The following SDK2 variants were observed in gnomAD, a reference collection of about 807,000 sequenced individuals.
SDK2 encodes sidekick cell adhesion molecule 2.
SDK2 carries 105 observed loss-of-function variants against 253.9 expected under a neutral mutation model. That is an observed-to-expected ratio of 0.41 (90% CI 0.35 to 0.49). The LOEUF is 0.49. SDK2 is among the 20% of genes least tolerant of loss of function. The probability of loss-of-function intolerance (pLI) is 0.06; values close to 1 mark genes in which losing one functional copy is unlikely to be tolerated. For synonymous variants in SDK2, 1,249 were observed against 1,234.9 expected, an observed-to-expected ratio of 1.01 and a Z score of -0.24; for missense variants, 2,608 against 3,003.0, an observed-to-expected ratio of 0.87 and a Z score of 3.07.
Position 73,616,809 on chromosome 17 carries a change from T to C in SDK2, c.64+27216A>G, listed in dbSNP as rs1271502553. 1.3e-5 allele frequency among the ~76,000 whole-genome samples: 2 copies of C among 152,020 alleles called. No individual in the cohort carries two copies. The highest frequency in any genetic ancestry group is 2.9e-5 in the Non-Finnish European group (2 of 67,992). On this transcript the variant is annotated intron_variant, in intron 1 of 44. Coordinates refer to ENST00000392650, the MANE Select transcript of SDK2 (RefSeq NM_001144952.2). This position sits in a 1 kb window ranked among gnomAD's most constrained non-coding sequence, Gnocchi z 5.2. ...CACTGTGCGCATTCCCACCATGAGA[T>C]GCCTGGGGAAGGGGTCAGATTCCAG...
intron 1 of SDK2, among the ~76,000 whole-genome samples, chr17:73,594,906 A>ACACACAGCACACACCTG (rs2045733517): frequency 1.3e-5 from 2 of 152,034 alleles, no homozygotes; most frequent in African/African-American, 4.8e-5. Context: ...ATATACAAAT[A>ACACACAGCACACACCTG]CACACAGCAC....
chr17:73,347,135 G>GA (rs952489257), intron 44 of SDK2, among the ~76,000 whole-genome samples: 7 of 152,262 alleles, frequency 4.6e-5, no homozygotes, highest in Middle Eastern at 3.4e-3. Context: ...GCTGAGGCGG[G>GA]GGAACACTTG....
chr17:73,643,967 C>CA lies in SDK2; in HGVS notation c.64+57_64+58insT. On this transcript the variant is annotated intron_variant, in intron 1 of 44. Coordinates refer to ENST00000392650, the MANE Select transcript of SDK2 (RefSeq NM_001144952.2). This position sits in a 1 kb window ranked among gnomAD's most constrained non-coding sequence, Gnocchi z 6.9. ...GTGAGGCCGGCCAGCTCCCGCCGCC[C>CA]CTCCCCCGCCCACTCTCCCAGCCCC... 1.1e-6 allele frequency: 1 copy of CA among 902,244 alleles called. No individual in the cohort carries two copies. 55.9% of individuals were successfully genotyped at this position (902,244 alleles called of 1,614,324 possible). A position where few individuals can be genotyped will look rare whatever the true frequency, so the allele number is the denominator to read the frequency against.
At chr17:73,505,759 A>G (rs926229268) in intron 2 of SDK2, among the ~76,000 whole-genome samples, 8 of 150,584 alleles carry the variant, frequency 5.3e-5, no homozygotes, top group Non-Finnish European at 1.0e-4. Context: ...CAATAGCTGG[A>G]CCTCATCATC....
rs2045824232 is a variant in SDK2, at chr17:73,600,587, GCAGA to G, written c.64+43434_64+43437del. 3.3e-5 allele frequency among the ~76,000 whole-genome samples: 5 copies of G among 152,142 alleles called. No homozygotes were observed. The South Asian group carries it at 1.0e-3, about 32-fold the overall frequency. On this transcript the variant is annotated intron_variant, in intron 1 of 44. Coordinates refer to ENST00000392650, the MANE Select transcript of SDK2 (RefSeq NM_001144952.2). Reference sequence around the variant, plus strand: ...TCCCCAAGTGACTCCGATGGTGCCAGCAGACAGTGTGGGGAGAGGCCGACAAGAG... The same window carrying G: ...TCCCCAAGTGACTCCGATGGTGCCAGCAGTGTGGGGAGAGGCCGACAAGAG...
intron 1 of SDK2, among the ~76,000 whole-genome samples, chr17:73,584,383 A>C (rs2045576575): frequency 6.6e-6 from 1 of 152,152 alleles, no homozygotes; most frequent in African/African-American, 2.4e-5. Flanking sequence ...GTCGGTAGAA[A>C]AGGGCTGGGT....
intron 1 of SDK2, among the ~76,000 whole-genome samples, chr17:73,571,926 G>A (rs779649221): frequency 6.6e-6 from 1 of 152,136 alleles, no homozygotes; most frequent in Non-Finnish European, 1.5e-5. Context: ...CCAACCTCAC[G>A]GCCCACGGGG....
chr17:73,561,304 T>C (rs2045229838), intron 1 of SDK2, among the ~76,000 whole-genome samples: 1 of 152,076 alleles, frequency 6.6e-6, no homozygotes, highest in Admixed American at 6.5e-5. Context: ...CAGCCTGGCC[T>C]CAGCACAGAT....
intron 1 of SDK2, among the ~76,000 whole-genome samples, chr17:73,530,914 CACCAGCCCT>C (rs2145802926): frequency 1.3e-5 from 2 of 152,328 alleles, no homozygotes; most frequent in South Asian, 4.1e-4. Context: ...TCTCCCTAAT[CACCAGCCCT>C]AGGGAGGCTT....
In SDK2 at chr17:73,472,232, G is replaced by A. The variant is rs557096750; in HGVS notation, c.225-14C>T. ...GTGATCATGTATCTATGGGACAGAC[G>A]AGACAGCCAGTGAGCAAGTCAGGCA... On this transcript the variant is annotated splice_polypyrimidine_tract_variant and intron_variant, in intron 2 of 44. Transcript: ENST00000392650. 12 of 1,543,284 alleles carry A rather than the reference G, an allele frequency of 7.8e-6. No homozygotes were observed. In the African/African-American group the frequency reaches 1.1e-4, roughly 14 times the overall value.
In SDK2 at chr17:73,484,311, G is replaced by A. The variant is rs1482588204; in HGVS notation, c.225-12093C>T. Among the ~76,000 whole-genome samples, 3 of 152,224 alleles carry A rather than the reference G, an allele frequency of 2.0e-5. No homozygotes were observed. The South Asian group carries it at 6.2e-4, about 32-fold the overall frequency. On this transcript the variant is annotated intron_variant, in intron 2 of 44. Coordinates refer to ENST00000392650, the MANE Select transcript of SDK2 (RefSeq NM_001144952.2). ...GGAACCAAGGGGCTGGGGCTCTGTG[G>A]CCGAATCATGGTGGGTGGCCAGAGC...
intron 12 of SDK2, 145 bp downstream of exon 12, chr17:73,430,366 G>C: frequency 1.6e-6 from 1 of 628,338 alleles, no homozygotes; most frequent in East Asian, 3.0e-5. Flanking sequence ...TCTCAGCCCT[G>C]CACTCAGCTC....
intron 1 of SDK2, among the ~76,000 whole-genome samples, chr17:73,602,454 C>A (rs1413259546): frequency 6.6e-6 from 1 of 151,692 alleles, no homozygotes; most frequent in African/African-American, 2.4e-5. Flanking sequence ...TCATTCTTAG[C>A]AGAGTGCCGG....
intron 1 of SDK2, among the ~76,000 whole-genome samples, chr17:73,595,791 A>G (rs996016118): frequency 3.3e-4 from 51 of 152,288 alleles, no homozygotes; most frequent in Admixed American, 3.3e-3. Context: ...GGCCCTGGCA[A>G]GGGCCTATCC....
At position 73,533,314 on chromosome 17, in the gene SDK2, C is replaced by T. The variant is rs143107221; in HGVS notation, c.65-25717G>A. On this transcript the variant is annotated intron_variant, in intron 1 of 44. Coordinates refer to ENST00000392650, the MANE Select transcript of SDK2 (RefSeq NM_001144952.2). ...ACTCTGGGGCCCCGGGGCCGACTGG[C>T]ACGGTGGCTTGGCCTGGATTCAGAG... 4.9e-3 allele frequency among the ~76,000 whole-genome samples: 743 copies of T among 152,332 alleles called. 3 individuals carry two copies. Among genetic ancestry groups the T allele is most frequent in the African/African-American group, 0.016 (665 of 41,586 alleles).
intron 1 of SDK2, among the ~76,000 whole-genome samples, chr17:73,529,178 T>G (rs1311772998): frequency 6.6e-6 from 1 of 152,190 alleles, no homozygotes; most frequent in African/African-American, 2.4e-5. Context: ...TGGTTTCGTC[T>G]GTAATGAGCG....
At chr17:73,583,650 G>T (rs1449418753) in intron 1 of SDK2, among the ~76,000 whole-genome samples, 1 of 152,146 alleles carries the variant, frequency 6.6e-6, no homozygotes, top group Admixed American at 6.5e-5. Context: ...ACAAACCAGC[G>T]AACACTTGGG....
intron 44 of SDK2, among the ~76,000 whole-genome samples, chr17:73,344,305 C>T (rs559048129): frequency 9.5e-4 from 145 of 152,336 alleles, no homozygotes; most frequent in African/African-American, 3.4e-3. Flanking sequence ...CCTCCCCCCA[C>T]ACCCACAACC....
intron 15 of SDK2, among the ~76,000 whole-genome samples, chr17:73,421,774 T>A (rs8064271): frequency 1.3e-5 from 2 of 151,952 alleles, no homozygotes; most frequent in African/African-American, 4.8e-5. Flanking sequence ...TTGGCCAGGC[T>A]GGTTTCGAAC....
Sources: gnomAD v4.1 joint callset for allele counts (sites outside exome capture counted in the v4.1 genomes callset) on GRCh38, gnomAD v4.1.1 for gene constraint, Gnocchi (gnomAD v3.1) non-coding constraint, MANE v1.5 for transcripts, NCBI Gene and HGNC (gene_info 2026-07-23, HGNC 2026-07-21) for gene names.